DNAAF9: variants seen among roughly 807,000 people sequenced by gnomAD.
DNAAF9 encodes shulin.
A neutral mutation model predicts 167.0 loss-of-function variants in DNAAF9; 90 were observed. The observed-to-expected ratio is 0.54, with a 90% CI of 0.45 to 0.64. The LOEUF (loss-of-function observed/expected upper bound fraction) is 0.64. Among genes scored for constraint, DNAAF9 ranks in the 30% least tolerant of loss-of-function variants. The probability of loss-of-function intolerance (pLI) is 0.00; values close to 1 mark genes in which losing one functional copy is unlikely to be tolerated. For synonymous variants in DNAAF9, 491 were observed against 508.8 expected, an observed-to-expected ratio of 0.96 and a Z score of 0.47; for missense variants, 1,315 against 1,442.2, an observed-to-expected ratio of 0.91 and a Z score of 1.43.
chr20:3,312,168 A>G (rs1367681684), intron 20 of DNAAF9, among the ~76,000 whole-genome samples: 1 of 152,000 alleles, frequency 6.6e-6, no homozygotes, highest in East Asian at 1.9e-4. Flanking sequence ...TTGTAGTGTT[A>G]GTAGAGACGG....
intron 13 of DNAAF9, 61 bp from the exon 14 acceptor site, chr20:3,325,029 T>C (rs1246071900): frequency 3.3e-6 from 3 of 912,630 alleles, no homozygotes; most frequent in Non-Finnish European, 5.6e-6. Flanking sequence ...CACATATCAC[T>C]GATGGAAGGG....
intron 9 of DNAAF9, among the ~76,000 whole-genome samples, chr20:3,342,338 T>G (rs2070103026): frequency 6.6e-6 from 1 of 152,244 alleles, no homozygotes; most frequent in Admixed American, 6.5e-5. Flanking sequence ...CTATGCTCTT[T>G]TCTCCTTCAT....
At chr20:3,300,106 C>G (rs763039187) in intron 21 of DNAAF9, among the ~76,000 whole-genome samples, 1 of 152,028 alleles carries the variant, frequency 6.6e-6, no homozygotes, top group Non-Finnish European at 1.5e-5. Flanking sequence ...TTTCACCATG[C>G]TGGCCAGGTT....
At chr20:3,331,435 G>A (rs1207343039) in intron 11 of DNAAF9, among the ~76,000 whole-genome samples, 1 of 152,092 alleles carries the variant, frequency 6.6e-6, no homozygotes, top group Non-Finnish European at 1.5e-5. Flanking sequence ...GTGTAGCAAT[G>A]CTGAGACCTG....
intron 1 of DNAAF9, among the ~76,000 whole-genome samples, chr20:3,391,729 C>T (rs763623385): frequency 5.3e-5 from 8 of 151,918 alleles, no homozygotes; most frequent in Non-Finnish European, 7.4e-5. Flanking sequence ...TACAGGCATG[C>T]GCAACCACGC....
chr20:3,359,375 A>G (rs997832139), intron 7 of DNAAF9, 141 bp downstream of exon 7: 1 of 648,680 alleles, frequency 1.5e-6, no homozygotes, highest in Non-Finnish European at 2.7e-6. Context: ...AATTCAAGAC[A>G]ATAATCAAGG....
chr20:3,349,516 T>C (rs1266816361), intron 7 of DNAAF9, among the ~76,000 whole-genome samples: 1 of 152,182 alleles, frequency 6.6e-6, no homozygotes, highest in East Asian at 1.9e-4. Flanking sequence ...AGCAGCTTTG[T>C]TGAAGGACTG....
At chr20:3,359,482 A>C in intron 7 of DNAAF9, 34 bp downstream of exon 7, 2 of 1,350,070 alleles carry the variant, frequency 1.5e-6, no homozygotes, top group Non-Finnish European at 2.1e-6. Context: ...TGGACGTAAT[A>C]CTAATATTTA....
intron 23 of DNAAF9, chr20:3,296,118 A>G (rs2069072752): frequency 1.5e-6 from 1 of 659,354 alleles, no homozygotes; most frequent in Non-Finnish European, 2.9e-6. Context: ...TGCACTTTAC[A>G]TGTACAAGGT....
At chr20:3,376,929 T>C (rs111410425) in intron 3 of DNAAF9, among the ~76,000 whole-genome samples, 4 of 152,008 alleles carry the variant, frequency 2.6e-5, no homozygotes, top group African/African-American at 9.6e-5. Context: ...ATTAGCCGGG[T>C]GTGGTGGCGC....
chr20:3,353,643 C>T lies in DNAAF9; in HGVS notation c.691-5020G>A, dbSNP rs866307863. ...ACCCTGTCCCCCCGCACCACCCCCC[C>T]CCCCGCAAAAAAAAAGGCTATTAAT... On this transcript the variant is annotated intron_variant, in intron 7 of 36. Transcript: ENST00000252032. Among the ~76,000 whole-genome samples the T allele has an allele frequency of 2.7e-4, 37 of 136,036 alleles. No homozygotes were observed. The South Asian group carries it at 2.9e-3, about 11-fold the overall frequency. The allele number at this position is 136,036 out of a possible 152,430, so 89.2% of individuals were successfully genotyped here. A position where few individuals can be genotyped will look rare whatever the true frequency, so the allele number is the denominator to read the frequency against.
chr20:3,330,722 G>C (rs781082936), intron 11 of DNAAF9, 40 bp from the exon 12 acceptor site: 1 of 1,348,652 alleles, frequency 7.4e-7, no homozygotes, highest in Non-Finnish European at 1.1e-6. Context: ...AAGAGCACAG[G>C]ATATGCAAAC....
Position 3,344,590 on chromosome 20 carries a change from T to TACACAC in DNAAF9, c.790-865_790-860dup, listed in dbSNP as rs4053351. ...ATATAATGGAAAAAATACACACACA[T>TACACAC]ACACACACACACACACACACACACA... On this transcript the variant is annotated intron_variant, in intron 8 of 36. Coordinates refer to ENST00000252032, the MANE Select transcript of DNAAF9 (RefSeq NM_001009984.3). Among the ~76,000 whole-genome samples, 1,241 of 144,570 alleles carry TACACAC rather than the reference T, an allele frequency of 8.6e-3. 7 individuals are homozygous for TACACAC. The highest frequency in any genetic ancestry group is 0.014 in the Non-Finnish European group (911 of 65,672). The allele number at this position is 144,570 out of a possible 152,430, so 94.8% of individuals were successfully genotyped here. A position where few individuals can be genotyped will look rare whatever the true frequency, so the allele number is the denominator to read the frequency against.
intron 27 of DNAAF9, 59 bp downstream of exon 27, chr20:3,287,573 G>A (rs2068873745): frequency 6.5e-7 from 1 of 1,527,942 alleles, no homozygotes; most frequent in Non-Finnish European, 9.1e-7. Flanking sequence ...CATAAAATAA[G>A]AGTAATGGCA....
intron 25 of DNAAF9, among the ~76,000 whole-genome samples, chr20:3,291,209 A>AGCG (rs2068946137): frequency 6.6e-6 from 1 of 151,980 alleles, no homozygotes; most frequent in Non-Finnish European, 1.5e-5. Context: ...GTCCCCTTTC[A>AGCG]GGTAGATATT....
intron 3 of DNAAF9, among the ~76,000 whole-genome samples, chr20:3,378,269 G>A (rs919480822): frequency 3.9e-5 from 6 of 152,178 alleles, no homozygotes; most frequent in Middle Eastern, 3.2e-3. Flanking sequence ...CTCAGCTGTT[G>A]GCTCATCTGG....
chr20:3,322,150 C>G, intron 16 of DNAAF9, 67 bp downstream of exon 16: 1 of 1,226,334 alleles, frequency 8.2e-7, no homozygotes, highest in Non-Finnish European at 1.2e-6. Context: ...CCACTCCCAC[C>G]TCCCAACTTA....
chr20:3,281,319 G>A (rs1046600666), intron 28 of DNAAF9, among the ~76,000 whole-genome samples: 15 of 152,268 alleles, frequency 9.9e-5, no homozygotes, highest in Admixed American at 5.2e-4. Flanking sequence ...ATGAGCCACC[G>A]CACCTGGCCT....
chr20:3,286,690 C>A (rs955642980), intron 27 of DNAAF9, among the ~76,000 whole-genome samples: 1 of 152,130 alleles, frequency 6.6e-6, no homozygotes, highest in Non-Finnish European at 1.5e-5. Context: ...TAGGGTACAC[C>A]GTCCCACCTG....
Sources: allele counts gnomAD v4.1 joint callset (sites outside exome capture counted in the v4.1 genomes callset), GRCh38; gene constraint gnomAD v4.1.1; transcripts MANE v1.5; gene names NCBI Gene and HGNC (gene_info 2026-07-23, HGNC 2026-07-21).